The following TLK1 variants were observed in gnomAD, a reference collection of about 807,000 sequenced individuals.
The protein encoded by TLK1 is tousled like kinase 1.
TLK1 carries 24 observed loss-of-function variants against 105.3 expected under a neutral mutation model. The ratio of observed to expected loss-of-function variants is 0.23; its 90% CI spans 0.17 to 0.32. The LOEUF is 0.32. TLK1 is among the 10% of genes least tolerant of loss of function. The probability of loss-of-function intolerance (pLI) is 1.00; values close to 1 mark genes in which losing one functional copy is unlikely to be tolerated. For synonymous variants in TLK1, 321 were observed against 310.4 expected (o/e 1.03, Z -0.36); for missense variants, 558 against 910.5 (o/e 0.61, Z 4.98).
Position 171,160,256 on chromosome 2 carries a change from G to A in TLK1, c.139+34C>T. ...GGGGGTCCGCGGCGCGGGAGAGGAG[G>A]CCCGCGAGCGGGCGCGGGCGCGGCG... On this transcript the variant is annotated intron_variant, in intron 1 of 20. Coordinates refer to ENST00000431350, the MANE Select transcript of TLK1 (RefSeq NM_012290.5). The surrounding 1 kb of genome is among the most constrained non-coding windows in gnomAD (Gnocchi z 4.4). The A allele has an allele frequency of 1.4e-6, 2 of 1,465,058 alleles. No homozygotes were observed. Among genetic ancestry groups the A allele is most frequent in the Non-Finnish European group, 1.8e-6 (2 of 1,112,156 alleles). 90.8% of individuals were successfully genotyped at this position (1,465,058 alleles called of 1,614,324 possible). A position where few individuals can be genotyped will look rare whatever the true frequency, so the allele number is the denominator to read the frequency against.
At chr2:171,075,903 T>G (rs1269742615) in intron 3 of TLK1, among the ~76,000 whole-genome samples, 2 of 152,096 alleles carry the variant, frequency 1.3e-5, no homozygotes, top group African/African-American at 2.4e-5. Context: ...AGAAACTTAC[T>G]CCCCGTAGTA....
intron 1 of TLK1, among the ~76,000 whole-genome samples, chr2:171,130,134 T>G (rs959827483): frequency 2.6e-5 from 4 of 152,188 alleles, no homozygotes; most frequent in African/African-American, 9.6e-5. Flanking sequence ...CTGGGTACAG[T>G]GGATCATGCC....
chr2:171,006,118 C>A lies in TLK1; in HGVS notation c.1904+29G>T, dbSNP rs747058554. The A allele has an allele frequency of 7.9e-6, 12 of 1,514,190 alleles. No individual in the cohort carries two copies. In the East Asian group the frequency reaches 2.3e-4, roughly 29 times the overall value. The allele number at this position is 1,514,190 out of a possible 1,614,324, so 93.8% of individuals were successfully genotyped here. On this transcript the variant is annotated intron_variant, in intron 18 of 20. Transcript: ENST00000431350. ...TAAAAGCACTGGGCACCAATCTAGA[C>A]ATTCTGATGTTTTTAGTAATACACT...
intron 2 of TLK1, among the ~76,000 whole-genome samples, chr2:171,099,319 T>C (rs1329778844): frequency 6.6e-6 from 1 of 152,148 alleles, no homozygotes; most frequent in African/African-American, 2.4e-5. Flanking sequence ...GCAAGACTTA[T>C]ACAGTATAAA....
intron 1 of TLK1, among the ~76,000 whole-genome samples, chr2:171,128,274 TAAA>T (rs1690953289): frequency 6.6e-6 from 1 of 152,128 alleles, no homozygotes; most frequent in African/African-American, 2.4e-5. Context: ...TTCTTACTAA[TAAA>T]AAAATCTGAC....
intron 20 of TLK1, among the ~76,000 whole-genome samples, chr2:170,994,377 T>C (rs1683947641): frequency 6.6e-6 from 1 of 152,150 alleles, no homozygotes; most frequent in Admixed American, 6.5e-5. Context: ...TTTCTTTAGA[T>C]GAAGAGATCA....
At chr2:171,064,357 G>C (rs942827876) in intron 3 of TLK1, among the ~76,000 whole-genome samples, 4 of 152,040 alleles carry the variant, frequency 2.6e-5, no homozygotes, top group African/African-American at 7.2e-5. Context: ...TGAGATTCCA[G>C]ATGAGATTTC....
At chr2:171,104,037 C>T (rs1257445760) in intron 2 of TLK1, among the ~76,000 whole-genome samples, 2 of 152,144 alleles carry the variant, frequency 1.3e-5, no homozygotes, top group East Asian at 1.9e-4. Context: ...GCCTGTAATC[C>T]CAACACTTTG....
chr2:171,132,049 T>C (rs1456211200), intron 1 of TLK1, among the ~76,000 whole-genome samples: 1 of 152,178 alleles, frequency 6.6e-6, no homozygotes, highest in Non-Finnish European at 1.5e-5. Context: ...TTCTTTACCA[T>C]TGTATTCGTC....
chr2:171,050,225 G>A (rs1687171601), intron 8 of TLK1, 51 bp from the exon 9 acceptor site: 3 of 1,285,006 alleles, frequency 2.3e-6, no homozygotes, highest in Middle Eastern at 2.0e-4. Context: ...AATATGAAAA[G>A]CTTAGAAATA....
At chr2:171,026,391 A>G (rs867777219) in intron 12 of TLK1, among the ~76,000 whole-genome samples, 125 of 152,272 alleles carry the variant, frequency 8.2e-4, no homozygotes, top group African/African-American at 2.9e-3. Flanking sequence ...AACCAAAAAC[A>G]AAAACAAACC....
intron 1 of TLK1, among the ~76,000 whole-genome samples, chr2:171,219,604 C>CT (rs113945899): frequency 0.011 from 1,503 of 142,592 alleles, 26 homozygotes; most frequent in African/African-American, 0.031. Context: ...CTCCCCCCAC[C>CT]TTTTTTTTTT....
intron 11 of TLK1, among the ~76,000 whole-genome samples, chr2:171,043,033 C>A (rs1286811381): frequency 4.6e-5 from 7 of 150,844 alleles, no homozygotes; most frequent in East Asian, 2.0e-4. Context: ...AAAAAAAAAA[C>A]CAAGGTCCTA....
chr2:170,996,003 A>G (rs938618636), intron 20 of TLK1, among the ~76,000 whole-genome samples: 1 of 136,232 alleles, frequency 7.3e-6, no homozygotes, highest in African/African-American at 2.8e-5. Context: ...CGCATGGCCT[A>G]TTTGGTTTTT....
At chr2:171,068,716 C>A (rs1002731330) in intron 3 of TLK1, among the ~76,000 whole-genome samples, 1 of 152,058 alleles carries the variant, frequency 6.6e-6, no homozygotes, top group African/African-American at 2.4e-5. Context: ...TAAAATAGTA[C>A]GTTGTATAGT....
chr2:171,230,528 A>T (rs1411769643), intron 1 of TLK1, among the ~76,000 whole-genome samples: 1 of 152,002 alleles, frequency 6.6e-6, no homozygotes, highest in Admixed American at 6.6e-5. Flanking sequence ...ACCACCCTGC[A>T]CTCTTCCACC....
At chr2:171,066,082 G>C (rs1157214096) in intron 3 of TLK1, among the ~76,000 whole-genome samples, 1 of 152,080 alleles carries the variant, frequency 6.6e-6, no homozygotes, top group African/African-American at 2.4e-5. Flanking sequence ...ATTTTGAGCT[G>C]GTATGACCTG....
At chr2:171,174,533 A>G (rs1225358912) in intron 1 of TLK1, among the ~76,000 whole-genome samples, 1 of 152,078 alleles carries the variant, frequency 6.6e-6, no homozygotes, top group East Asian at 1.9e-4. Context: ...TAAGCTCTCT[A>G]TCTCCTTGCT....
chr2:171,199,756 A>T (rs181749638), intron 1 of TLK1, among the ~76,000 whole-genome samples: 40 of 152,324 alleles, frequency 2.6e-4, no homozygotes, highest in Admixed American at 2.5e-3. Flanking sequence ...GAATCTGAAA[A>T]TTTCAGAGCC....
Sources: allele counts gnomAD v4.1 joint callset (sites outside exome capture counted in the v4.1 genomes callset), GRCh38; gene constraint gnomAD v4.1.1; non-coding constraint Gnocchi (gnomAD v3.1); transcripts MANE v1.5; gene names NCBI Gene and HGNC (gene_info 2026-07-23, HGNC 2026-07-21).